OSBPL6: variants seen among roughly 807,000 people sequenced by gnomAD.
OSBPL6 encodes the protein oxysterol binding protein like 6.
OSBPL6 carries 49 observed loss-of-function variants against 125.8 expected under a neutral mutation model. The ratio of observed to expected loss-of-function variants is 0.39; its 90% confidence interval spans 0.31 to 0.49. The LOEUF is 0.49. Ranked by LOEUF, OSBPL6 falls within the 20% of genes least tolerant of loss-of-function variation. The pLI is 0.88. For missense variants in OSBPL6, 986 were observed against 1,135.4 expected (o/e 0.87, Z 1.89); for synonymous variants, 394 against 391.8 (o/e 1.01, Z -0.07).
chr2:178,208,618 C>A (rs918842572), intron 1 of OSBPL6, among the ~76,000 whole-genome samples: 1 of 150,954 alleles, frequency 6.6e-6, no homozygotes, highest in African/African-American at 2.4e-5. Flanking sequence ...CTTTGCTTGT[C>A]CCTCTGTCTT....
chr2:178,219,101 C>T (rs1403676959), intron 1 of OSBPL6, among the ~76,000 whole-genome samples: 1 of 151,948 alleles, frequency 6.6e-6, no homozygotes, highest in Non-Finnish European at 1.5e-5. Context: ...AGATGTAATC[C>T]TACTTGTCCA....
intron 16 of OSBPL6, chr2:178,382,748 CCTT>C (rs1694600411): frequency 2.1e-6 from 3 of 1,435,294 alleles, no homozygotes; most frequent in African/African-American, 2.9e-5. Flanking sequence ...CAGCTTGAGT[CCTT>C]CTTATTAAAT....
At chr2:178,378,198 A>C (rs1273989463) in intron 15 of OSBPL6, among the ~76,000 whole-genome samples, 1 of 152,026 alleles carries the variant, frequency 6.6e-6, no homozygotes, top group Non-Finnish European at 1.5e-5. Flanking sequence ...TTAAATATAT[A>C]TATATTTCCT....
chr2:178,299,730 CA>C (rs1206998060), intron 2 of OSBPL6, among the ~76,000 whole-genome samples: 1 of 152,138 alleles, frequency 6.6e-6, no homozygotes, highest in Non-Finnish European at 1.5e-5. Flanking sequence ...ATATTTAGTT[CA>C]CTGTAAAACT....
intron 1 of OSBPL6, among the ~76,000 whole-genome samples, chr2:178,278,877 T>TA (rs1280122347): frequency 6.6e-6 from 1 of 152,044 alleles, no homozygotes; most frequent in Non-Finnish European, 1.5e-5. Context: ...AGCAAGATAA[T>TA]AAAAAAAGGT....
chr2:178,390,760 C>A (rs1214715337), intron 21 of OSBPL6, among the ~76,000 whole-genome samples: 1 of 151,960 alleles, frequency 6.6e-6, no homozygotes, highest in Non-Finnish European at 1.5e-5. Flanking sequence ...AATCCATGAG[C>A]AAGAGGAAAA....
At chr2:178,222,375 T>C (rs1283586181) in intron 1 of OSBPL6, among the ~76,000 whole-genome samples, 2 of 152,238 alleles carry the variant, frequency 1.3e-5, no homozygotes, top group Non-Finnish European at 2.9e-5. Context: ...CTGGGCGCGG[T>C]GGCTCACACC....
At chr2:178,386,305 G>A (rs1266960323) in intron 19 of OSBPL6, among the ~76,000 whole-genome samples, 1 of 152,148 alleles carries the variant, frequency 6.6e-6, no homozygotes, top group Non-Finnish European at 1.5e-5. Context: ...CATCAAAATG[G>A]AACCAGGTGG....
At chr2:178,332,828 G>C in intron 7 of OSBPL6, 43 bp from the exon 8 acceptor site, 1 of 1,608,746 alleles carries the variant, frequency 6.2e-7, no homozygotes, top group Non-Finnish European at 8.5e-7. Context: ...GTAGGCAGGA[G>C]AGTTATTTTA....
At chr2:178,238,680 T>C (rs911701770) in intron 1 of OSBPL6, among the ~76,000 whole-genome samples, 1 of 152,202 alleles carries the variant, frequency 6.6e-6, no homozygotes. Context: ...TGATAGATGC[T>C]TAGTTAAGAC....
chr2:178,352,632 C>T (rs550946570), intron 12 of OSBPL6, among the ~76,000 whole-genome samples: 64 of 152,310 alleles, frequency 4.2e-4, no homozygotes, highest in Admixed American at 1.8e-3. Context: ...GGCCTATTGC[C>T]TCTATAGACT....
chr2:178,346,693 C>G (rs1356525879), intron 11 of OSBPL6, among the ~76,000 whole-genome samples: 2 of 152,094 alleles, frequency 1.3e-5, no homozygotes, highest in East Asian at 3.9e-4. Flanking sequence ...AAACCAGTTA[C>G]CACTTAGATT....
At chr2:178,391,016 C>T (rs987143623) in intron 21 of OSBPL6, 57 bp from the exon 22 acceptor site, 6 of 1,583,372 alleles carry the variant, frequency 3.8e-6, no homozygotes, top group Non-Finnish European at 5.1e-6. Flanking sequence ...ATGGAAAATA[C>T]AGGGAATGAT....
At chr2:178,248,988 G>A (rs1041425675) in intron 1 of OSBPL6, among the ~76,000 whole-genome samples, 8 of 151,850 alleles carry the variant, frequency 5.3e-5, no homozygotes, top group African/African-American at 1.9e-4. Flanking sequence ...CCAGGCTGGA[G>A]GGCAGTGGTG....
At chr2:178,376,221 C>T (rs537731382) in intron 15 of OSBPL6, among the ~76,000 whole-genome samples, 9 of 152,090 alleles carry the variant, frequency 5.9e-5, no homozygotes, top group East Asian at 1.9e-4. Flanking sequence ...TAATTCAGCA[C>T]GTCCCAAAAG....
At chr2:178,235,970 C>T (rs900119730) in intron 1 of OSBPL6, among the ~76,000 whole-genome samples, 2 of 152,126 alleles carry the variant, frequency 1.3e-5, no homozygotes, top group Non-Finnish European at 2.9e-5. Flanking sequence ...TCAGGAGGTA[C>T]ATGTGCAGGC....
chr2:178,333,500 A>G (rs1689411530), intron 8 of OSBPL6, among the ~76,000 whole-genome samples: 1 of 152,256 alleles, frequency 6.6e-6, no homozygotes, highest in African/African-American at 2.4e-5. Flanking sequence ...TCAGAAGACA[A>G]CAGTGACATT....
At chr2:178,300,775 CACTT>C (rs1686203773) in intron 2 of OSBPL6, among the ~76,000 whole-genome samples, 1 of 152,176 alleles carries the variant, frequency 6.6e-6, no homozygotes, top group African/African-American at 2.4e-5. Context: ...TCTTAACTGT[CACTT>C]ACAGACTGTA....
chr2:178,398,995 G>T lies in OSBPL6; in HGVS notation c.*3436G>T, dbSNP rs1024652034. ...TCTAATCTTGTTCTCTGTCATCCTA[G>T]ATAATGAGGTGTTTGTGGGAGCAGA... is the stretch of plus-strand genomic sequence containing the variant. On this transcript the variant is annotated 3_prime_UTR_variant, in exon 25 of 25. Coordinates refer to ENST00000190611, the MANE Select transcript of OSBPL6 (RefSeq NM_032523.4). The T allele has an allele frequency of 6.6e-6, 1 of 151,588 alleles. No individual in the cohort carries two copies. Among genetic ancestry groups the T allele is most frequent in the Non-Finnish European group, 1.5e-5 (1 of 67,952 alleles). The allele number at this position is 151,588 out of a possible 1,614,324, so 9.4% of individuals were successfully genotyped here.
Sources: gnomAD v4.1 joint callset for allele counts (sites outside exome capture counted in the v4.1 genomes callset) on GRCh38, gnomAD v4.1.1 for gene constraint, MANE v1.5 for transcripts, NCBI Gene and HGNC (gene_info 2026-07-23, HGNC 2026-07-21) for gene names.